SLC26A9: variants seen among roughly 807,000 people sequenced by gnomAD.
The protein encoded by SLC26A9 is anion transporter/exchanger protein 9.
A neutral mutation model predicts 87.1 loss-of-function variants in SLC26A9; 46 were observed. The observed-to-expected ratio is 0.53, with a 90% confidence interval of 0.42 to 0.67. The LOEUF is 0.67. Ranked by LOEUF, SLC26A9 falls within the 30% of genes least tolerant of loss-of-function variation. The pLI is 0.00. For missense variants in SLC26A9, 927 were observed against 1,018.3 expected (o/e 0.91, Z 1.22); for synonymous variants, 437 against 409.1 (o/e 1.07, Z -0.82).
rs3811428 is a variant in SLC26A9, at chr1:205,918,866, C to T, written c.2230G>A (p.Val744Met). The change falls in exon 19 of 21, where the codon GTG becomes ATG. Residue 744 changes from valine to methionine, a missense_variant. Transcript: ENST00000367135. Reference sequence around the variant, plus strand: ...CCTTGGAAGTTGTGTCCTGGGGTCACGTCTCTAGCATTTGCCTGGGCAAAG... The same window carrying T: ...CCTTGGAAGTTGTGTCCTGGGGTCATGTCTCTAGCATTTGCCTGGGCAAAG... Reference protein sequence around the residue: ...VLFAQANARDVTPGHNFQGAP... With the variant: ...VLFAQANARDMTPGHNFQGAP... 2.2e-3 allele frequency: 3,500 copies of T among 1,614,080 alleles called. 35 individuals are homozygous for T. The highest frequency in any genetic ancestry group is 0.016 in the Middle Eastern group (98 of 6,062).
chr1:205,920,887 A>C (rs1658798427), intron 17 of SLC26A9, among the ~76,000 whole-genome samples: 1 of 151,906 alleles, frequency 6.6e-6, no homozygotes. Context: ...GGGAGTCTAG[A>C]GCTTCAGCCA....
intron 16 of SLC26A9, 70 bp downstream of exon 16, chr1:205,923,012 T>G: frequency 5.5e-6 from 8 of 1,465,964 alleles, no homozygotes; most frequent in Non-Finnish European, 7.6e-6. Flanking sequence ...CAGGGTACCA[T>G]GAGTAACAGG....
intron 9 of SLC26A9, 67 bp downstream of exon 9, chr1:205,927,835 A>G (rs933120029): frequency 1.9e-6 from 3 of 1,576,340 alleles, no homozygotes; most frequent in Non-Finnish European, 2.6e-6. Context: ...CTCCCCACCC[A>G]AGATATGTCA....
chr1:205,925,081 G>A (rs1659011228), intron 12 of SLC26A9, among the ~76,000 whole-genome samples: 1 of 152,186 alleles, frequency 6.6e-6, no homozygotes, highest in Non-Finnish European at 1.5e-5. Context: ...GTGTGAGTCA[G>A]CACACCCAGC....
rs182521409 is a variant in SLC26A9, at chr1:205,934,094, C to G, written c.126-1010G>C. On this transcript the variant is annotated intron_variant, in intron 2 of 20. Transcript: ENST00000367135. The stretch of plus-strand genomic sequence containing the variant: ...CCAATTCCTGCTCTTTGCTCTTGCT[C>G]AACAATAGTTTCCCTGACACTCGGT... Among the ~76,000 whole-genome samples, 3 of 152,306 alleles carry G rather than the reference C, an allele frequency of 2.0e-5. No homozygotes were observed. In the East Asian group the frequency reaches 5.8e-4, roughly 29 times the overall value.
intron 2 of SLC26A9, among the ~76,000 whole-genome samples, chr1:205,933,933 A>G (rs577353334): frequency 6.6e-6 from 1 of 152,296 alleles, no homozygotes; most frequent in South Asian, 2.1e-4. Context: ...CTCAAGGGTG[A>G]CAGCCGGTGG....
intron 4 of SLC26A9, among the ~76,000 whole-genome samples, 167 bp from the exon 5 acceptor site, chr1:205,932,202 G>T (rs1444661348): frequency 1.3e-5 from 2 of 152,218 alleles, no homozygotes; most frequent in Non-Finnish European, 2.9e-5. Context: ...CATGATCTAT[G>T]CTTTTCAAGG....
At chr1:205,916,240 G>T (rs543198985) in intron 20 of SLC26A9, among the ~76,000 whole-genome samples, 2 of 152,192 alleles carry the variant, frequency 1.3e-5, no homozygotes, top group African/African-American at 4.8e-5. Context: ...GGGACTACAG[G>T]CATGCACCAC....
chr1:205,933,083 A>T lies in SLC26A9; in HGVS notation c.127T>A (p.Cys43Ser). ...ACAGCTTTGATCTTGGCTGAGGAAC[A>T]TCTGGAAGGGAACGGGGAAAATTTC... is the stretch of plus-strand genomic sequence containing the variant. ...VGEKLRNAFR[C>S]SSAKIKAVVF... The change falls in exon 3 of 21, where the codon TGT becomes AGT. Residue 43 changes from cysteine to serine, a missense_variant and splice_region_variant. Physicochemically the swap from Cys to Ser is moderately radical, Grantham distance 112. Coordinates refer to ENST00000367135, the MANE Select transcript of SLC26A9 (RefSeq NM_052934.4). 1.2e-6 allele frequency: 2 copies of T among 1,614,232 alleles called. No homozygotes were observed. Among genetic ancestry groups the T allele is most frequent in the Non-Finnish European group, 1.7e-6 (2 of 1,180,026 alleles).
intron 7 of SLC26A9, 53 bp downstream of exon 7, chr1:205,929,150 TC>T: frequency 1.9e-6 from 3 of 1,582,630 alleles, no homozygotes; most frequent in Non-Finnish European, 2.6e-6. Context: ...GGTAGGGGCT[TC>T]CTCGTCTCAC....
rs574239733 is a variant in SLC26A9, at chr1:205,926,912, C to T, written c.1294-282G>A. Among the ~76,000 whole-genome samples, 8 of 152,294 alleles carry T rather than the reference C, an allele frequency of 5.3e-5. No individual in the cohort carries two copies. The South Asian group carries it at 6.2e-4, about 12-fold the overall frequency. On this transcript the variant is annotated intron_variant, in intron 11 of 20. Transcript: ENST00000367135. ...CTGGGCTATATAAGAGCCTGGTACT[C>T]GTGGGTAGGTGCAAATGTTGCCTAG...
intron 1 of SLC26A9, among the ~76,000 whole-genome samples, chr1:205,939,631 G>T (rs921273485): frequency 2.6e-5 from 4 of 152,186 alleles, no homozygotes; most frequent in Admixed American, 2.6e-4. Flanking sequence ...AGGGAAGGGG[G>T]ATGGGAGTGG....
chr1:205,924,581 G>T, intron 12 of SLC26A9, 92 bp from the exon 13 acceptor site: 1 of 1,039,796 alleles, frequency 9.6e-7, no homozygotes, highest in Non-Finnish European at 1.4e-6. Flanking sequence ...TTCTCTGTTA[G>T]TACAACCTCA....
Position 205,924,411 on chromosome 1 carries a change from C to G in SLC26A9, c.1468G>C (p.Val490Leu). 5 of 1,614,126 alleles carry G rather than the reference C, an allele frequency of 3.1e-6. No individual in the cohort carries two copies. Among genetic ancestry groups the G allele is most frequent in the Admixed American group, 3.3e-5 (2 of 60,024 alleles). ...TGAGTCTGGAAGACCACGACCAGGACGGAGAAGGCGACACCCACTGCCACA... is the reference window on the plus strand; with the variant it reads ...TGAGTCTGGAAGACCACGACCAGGAGGGAGAAGGCGACACCCACTGCCACA... ...YGVAVGVAFS[V>L]LVVVFQTQFR... Residue 490 changes from valine (V) to leucine (L), a missense_variant, in exon 13 of 21, where the codon GTC becomes CTC. Transcript: ENST00000367135.
intron 1 of SLC26A9, among the ~76,000 whole-genome samples, chr1:205,940,870 G>T (rs1039513751): frequency 3.9e-5 from 6 of 152,208 alleles, no homozygotes; most frequent in Admixed American, 3.9e-4. Flanking sequence ...GAACAGCCCC[G>T]GCTGGGCCAA....
rs7514410 is a variant in SLC26A9, at chr1:205,928,954, G to A, written c.871-45C>T. ...GAATGGGGATTGGCCCTAAGGTGGG[G>A]CCAGGGCAGGCGTCTCTCTCAAGTC... On this transcript the variant is annotated intron_variant, in intron 7 of 20. Transcript: ENST00000367135. 6.7e-3 allele frequency: 10,760 copies of A among 1,605,122 alleles called. 565 individuals carry two copies. The African/African-American group carries it at 0.12, about 18-fold the overall frequency.
rs1226357476 is a variant in SLC26A9 at position 205,927,961 on chromosome 1, T to A, written c.1042A>T (p.Asn348Tyr). Residue 348 changes from asparagine to tyrosine, a missense_variant, in exon 9 of 21, where the codon AAC becomes TAC. Asn to Tyr is a moderately radical substitution (Grantham distance 143). Coordinates refer to ENST00000367135, the MANE Select transcript of SLC26A9 (RefSeq NM_052934.4). The part of the protein sequence containing the change: ...FSLAIVSYVI[N>Y]LAMGRTLANK... ...GCCAGGGTCCGGCCCATAGCCAGGT[T>A]GATGACGTAGCTCACGATGGCTAGG... 6.2e-7 allele frequency: 1 copy of A among 1,614,198 alleles called. No individual in the cohort carries two copies. Among genetic ancestry groups the A allele is most frequent in the South Asian group, 1.1e-5 (1 of 91,084 alleles).
At chr1:205,923,708 G>T in intron 13 of SLC26A9, 95 bp from the exon 14 acceptor site, 1 of 1,372,878 alleles carries the variant, frequency 7.3e-7, no homozygotes, top group Non-Finnish European at 1.0e-6. Context: ...AGCCAAGGTA[G>T]GATGGGGTCC....
Position 205,923,112 on chromosome 1 carries a change from T to C in SLC26A9, c.1743A>G (p.Gln581=), listed in dbSNP as rs1438842311. The change falls in exon 16 of 21, where the codon CAA becomes CAG. Residue 581 remains glutamine (Q), a synonymous_variant. Coordinates refer to ENST00000367135, the MANE Select transcript of SLC26A9 (RefSeq NM_052934.4). ...KQEKRRMRPT[Q]QRRSLFMKTK... ...TTTTCATGAATAGAGACCTCCTCTG[T>C]TGTGTGGGCCTCATTCTCCGCTTCT... is the stretch of plus-strand genomic sequence containing the variant. The C allele has an allele frequency of 7.4e-6, 12 of 1,613,986 alleles. No homozygotes were observed. The highest frequency in any genetic ancestry group is 1.0e-5 in the Non-Finnish European group (12 of 1,180,012).
Sources: allele counts gnomAD v4.1 joint callset (sites outside exome capture counted in the v4.1 genomes callset), GRCh38; gene constraint gnomAD v4.1.1; transcripts MANE v1.5; gene names NCBI Gene and HGNC (gene_info 2026-07-23, HGNC 2026-07-21).